Variants in CD8B2 observed in about 807,000 individuals in gnomAD.
CD8B2 encodes the protein CD8B family member 2, also known as T-cell surface glycoprotein CD8 beta-2 chain.
CD8B2 carries 11 observed loss-of-function variants against 23.7 expected under a neutral mutation model. That is an observed-to-expected ratio of 0.46 (90% confidence interval 0.29 to 0.77). The LOEUF is 0.77. Ranked by LOEUF, CD8B2 falls within the 30% of genes least tolerant of loss-of-function variation. The pLI is 0.09. For missense variants in CD8B2, 197 were observed against 270.5 expected, an observed-to-expected ratio of 0.73 and a Z score of 1.91; for synonymous variants, 90 against 109.3, an observed-to-expected ratio of 0.82 and a Z score of 1.10.
At chr2:106,518,012 C>G (rs886308082) in intron 5 of CD8B2, among the ~76,000 whole-genome samples, 1 of 152,190 alleles carries the variant, frequency 6.6e-6, no homozygotes, top group African/African-American at 2.4e-5. Flanking sequence ...CCGCGCCCAG[C>G]CTGTTTATAG....
chr2:106,504,802 C>T (rs895113806), intron 5 of CD8B2, among the ~76,000 whole-genome samples: 31 of 152,274 alleles, frequency 2.0e-4, no homozygotes, highest in African/African-American at 7.2e-4. Context: ...TTATTTCATC[C>T]CCTTGGTTCT....
At chr2:106,504,702 A>T (rs1439702339) in intron 5 of CD8B2, among the ~76,000 whole-genome samples, 1 of 152,234 alleles carries the variant, frequency 6.6e-6, no homozygotes, top group Non-Finnish European at 1.5e-5. Flanking sequence ...CAACATTCTT[A>T]GCTCTCCTGA....
chr2:106,494,337 G>A (rs4273215), intron 2 of CD8B2, among the ~76,000 whole-genome samples: 95,857 of 151,998 alleles, frequency 0.63, 30,993 homozygotes, highest in East Asian at 0.99. Context: ...TAGTAGAGAC[G>A]GGGTTTTGCC....
chr2:106,517,624 G>A (rs1280522107), intron 5 of CD8B2, among the ~76,000 whole-genome samples: 4 of 151,774 alleles, frequency 2.6e-5, no homozygotes, highest in Admixed American at 1.3e-4. Flanking sequence ...CCCAGGGGAG[G>A]TTCACAGGTA....
At chr2:106,492,080 G>T (rs1679207895) in intron 2 of CD8B2, among the ~76,000 whole-genome samples, 3 of 152,120 alleles carry the variant, frequency 2.0e-5, no homozygotes, top group Admixed American at 6.5e-5. Flanking sequence ...AGGGCCTACA[G>T]CTCGAATTCA....
chr2:106,526,174 G>A (rs922867895), intron 5 of CD8B2, among the ~76,000 whole-genome samples: 1 of 151,462 alleles, frequency 6.6e-6, no homozygotes, highest in African/African-American at 2.4e-5. Context: ...CCGGGAGGCA[G>A]TGGTTTCAGT....
At chr2:106,506,120 A>T (rs1238712148) in intron 5 of CD8B2, among the ~76,000 whole-genome samples, 1 of 151,860 alleles carries the variant, frequency 6.6e-6, no homozygotes, top group Non-Finnish European at 1.5e-5. Flanking sequence ...GGGCAACAAG[A>T]GTGAAACTCT....
chr2:106,491,422 C>G (rs1432449247), intron 2 of CD8B2, among the ~76,000 whole-genome samples, 189 bp downstream of exon 2: 1 of 152,336 alleles, frequency 6.6e-6, no homozygotes, highest in Admixed American at 6.5e-5. Context: ...ACATAGTTAG[C>G]TTCCTTAATG....
intron 3 of CD8B2, among the ~76,000 whole-genome samples, chr2:106,502,226 C>T (rs1435009014): frequency 7.6e-6 from 1 of 131,774 alleles, no homozygotes; most frequent in Admixed American, 8.9e-5. Context: ...ACCCAGGAGG[C>T]GGAAGTTGCA....
intron 1 of CD8B2, among the ~76,000 whole-genome samples, chr2:106,489,809 C>G (rs1312266366): frequency 6.6e-6 from 1 of 152,164 alleles, no homozygotes; most frequent in Non-Finnish European, 1.5e-5. Flanking sequence ...CCCTCAGAGG[C>G]AGGCAGGACA....
intron 5 of CD8B2, among the ~76,000 whole-genome samples, chr2:106,532,978 G>A (rs528683658): frequency 6.6e-6 from 1 of 152,278 alleles, no homozygotes; most frequent in South Asian, 2.1e-4. Context: ...AAACACCTCT[G>A]ACATTGGCAC....
chr2:106,538,528 C>T (rs1680125378), intron 5 of CD8B2, among the ~76,000 whole-genome samples: 1 of 152,108 alleles, frequency 6.6e-6, no homozygotes, highest in South Asian at 2.1e-4. Context: ...ATCTGTGTGG[C>T]ACTTGAGATC....
At chr2:106,500,955 T>C (rs1277205443) in intron 3 of CD8B2, among the ~76,000 whole-genome samples, 10 of 152,148 alleles carry the variant, frequency 6.6e-5, no homozygotes, top group Non-Finnish European at 5.9e-5. Context: ...TGAAATAACA[T>C]TTTCCCCCAC....
chr2:106,490,776 C>T (rs1311631117), intron 1 of CD8B2, 98 bp from the exon 2 acceptor site: 11 of 1,523,394 alleles, frequency 7.2e-6, no homozygotes, highest in Non-Finnish European at 9.7e-6. Context: ...GCAGGTTCTT[C>T]CATGGCTTTT....
intron 5 of CD8B2, among the ~76,000 whole-genome samples, chr2:106,528,747 G>T (rs959761614): frequency 6.6e-6 from 1 of 152,178 alleles, no homozygotes; most frequent in African/African-American, 2.4e-5. Context: ...GTTTAGCTCA[G>T]CCTATTCCAG....
chr2:106,532,198 A>G (rs541118106), intron 5 of CD8B2, among the ~76,000 whole-genome samples: 1 of 152,342 alleles, frequency 6.6e-6, no homozygotes, highest in African/African-American at 2.4e-5. Flanking sequence ...TTGAATCTTT[A>G]GTAGAATCCC....
chr2:106,543,885 T>C, intron 5 of CD8B2: 1 of 236,234 alleles, frequency 4.2e-6, no homozygotes, highest in Non-Finnish European at 6.7e-6. Flanking sequence ...GATGGATTTC[T>C]GTGGATTTGT....
chr2:106,536,678 C>A (rs1303493680), intron 5 of CD8B2, among the ~76,000 whole-genome samples: 1 of 152,124 alleles, frequency 6.6e-6, no homozygotes, highest in Non-Finnish European at 1.5e-5. Context: ...AGGCGAGCTG[C>A]CAGCTCATGA....
rs1246275493 is a variant in CD8B2, at chr2:106,508,670, C to T, written c.*1730C>T. On this transcript the variant is annotated 3_prime_UTR_variant, in exon 6 of 6. Transcript: ENST00000643224. ...AAAGTTTTCTGGGTTTTAAGTACCC[C>T]TTTTGAGGTACCTGTCGGCTACCCC... The T allele has an allele frequency of 2.6e-5, 4 of 152,188 alleles. No homozygotes were observed. The highest frequency in any genetic ancestry group is 9.7e-5 in the African/African-American group (4 of 41,450). 9.4% of individuals were successfully genotyped at this position (152,188 alleles called of 1,614,324 possible).
Sources: gnomAD v4.1 joint callset for allele counts (sites outside exome capture counted in the v4.1 genomes callset) on GRCh38, gnomAD v4.1.1 for gene constraint, MANE v1.5 for transcripts, NCBI Gene and HGNC (gene_info 2026-07-23, HGNC 2026-07-21) for gene names.